The following SETX variants were observed in gnomAD, a reference collection of about 807,000 sequenced individuals.
The protein encoded by SETX is helicase senataxin.
A neutral mutation model predicts 227.2 loss-of-function variants in SETX; 90 were observed. That is an observed-to-expected ratio of 0.40 (90% CI 0.33 to 0.47). The LOEUF (loss-of-function observed/expected upper bound fraction) is 0.47, where lower values mean the gene tolerates loss of function less well. Ranked by LOEUF, SETX falls within the 20% of genes least tolerant of loss-of-function variation. SETX has a pLI of 0.91. For missense variants in SETX, 3,052 were observed against 3,181.5 expected, an observed-to-expected ratio of 0.96 and a Z score of 0.98; for synonymous variants, 1,210 against 1,113.2, an observed-to-expected ratio of 1.09 and a Z score of -1.73.
intron 6 of SETX, among the ~76,000 whole-genome samples, chr9:132,335,906 C>A (rs1847582447): frequency 6.6e-6 from 1 of 152,134 alleles, no homozygotes. Flanking sequence ...CAGTAAGTTT[C>A]ATCAGATCAC....
At chr9:132,353,504 CT>C (rs1269375763) in intron 2 of SETX, 144 bp downstream of exon 2, 1 of 150,556 alleles carries the variant, frequency 6.6e-6, no homozygotes, top group African/African-American at 2.5e-5. Context: ...GTCATCACGT[CT>C]GGGGGGGGGG....
At position 132,263,141 on chromosome 9, in the gene SETX, C is replaced by T. The variant is rs1410515632; in HGVS notation, c.*1098G>A. ...ATTTCTGAAGATCACAGGAAGTCTA[C>T]CACTCTCTTCCCAGTTCTGAACTCC... On this transcript the variant is annotated 3_prime_UTR_variant, in exon 26 of 26. Transcript: ENST00000224140. 1.3e-5 allele frequency: 2 copies of T among 152,210 alleles called. No homozygotes were observed. The highest frequency in any genetic ancestry group is 2.9e-5 in the Non-Finnish European group (2 of 68,048). The allele number at this position is 152,210 out of a possible 1,614,324, so 9.4% of individuals were successfully genotyped here.
At position 132,328,161 on chromosome 9, in the gene SETX, C is replaced by G. The variant is rs776505431; in HGVS notation, c.3437G>C (p.Ser1146Thr). ...EGIEEHTRPRSISVEEFCEIE... is the reference protein window; with the variant it reads ...EGIEEHTRPRTISVEEFCEIE... ...TTCACAAAATTCTTCAACAGAAATACTCCGTGGTCTTGTGTGTTCTTCAAT... is the reference window on the plus strand; with the variant it reads ...TTCACAAAATTCTTCAACAGAAATAGTCCGTGGTCTTGTGTGTTCTTCAAT... Residue 1146 changes from serine to threonine, a missense_variant, in exon 10 of 26, where the codon AGT (serine) becomes ACT (threonine). By Grantham distance (58) the Ser-to-Thr change is moderately conservative. This residue lies in a region of SETX where 1,483 missense variants were observed against 1,312.0 expected (regional missense o/e 1.13). Transcript: ENST00000224140. 2.5e-6 allele frequency: 4 copies of G among 1,614,178 alleles called. No individual in the cohort carries two copies. The highest frequency in any genetic ancestry group is 1.7e-5 in the Admixed American group (1 of 60,030).
intron 6 of SETX, among the ~76,000 whole-genome samples, chr9:132,335,234 C>T: frequency 6.6e-6 from 1 of 150,964 alleles, no homozygotes; most frequent in East Asian, 2.0e-4. Flanking sequence ...ACTAAAAATA[C>T]AAAAAAATTA....
chr9:132,291,435 G>A (rs1844298296), intron 15 of SETX, among the ~76,000 whole-genome samples: 3 of 151,968 alleles, frequency 2.0e-5, no homozygotes, highest in Admixed American at 2.0e-4. Flanking sequence ...CAAAGTGCTG[G>A]GATTACAGGA....
rs958552037 is a variant in SETX, at chr9:132,261,393, C to T, written c.*2846G>A. On this transcript the variant is annotated 3_prime_UTR_variant, in exon 26 of 26. Coordinates refer to ENST00000224140, the MANE Select transcript of SETX (RefSeq NM_015046.7). The stretch of plus-strand genomic sequence containing the variant: ...CTTTTTATATCTGAATTGCACAAAT[C>T]CCCACCAAGTAATTTCAGCATAAAG... 1 of 152,228 alleles carries T rather than the reference C, an allele frequency of 6.6e-6. No homozygotes were observed. Among genetic ancestry groups the T allele is most frequent in the Non-Finnish European group, 1.5e-5 (1 of 68,062 alleles). 9.4% of individuals were successfully genotyped at this position (152,228 alleles called of 1,614,324 possible).
In SETX at chr9:132,329,795, T is replaced by C. The variant is rs779056601; in HGVS notation, c.1803A>G (p.Pro601=). 5.0e-6 allele frequency: 8 copies of C among 1,613,928 alleles called. No homozygotes were observed. In the East Asian group the frequency reaches 1.6e-4, roughly 31 times the overall value. The stretch of plus-strand genomic sequence containing the variant: ...AAGTCAGATCCACAAAAGTGTTACA[T>C]GGAGGTGCTTTGAATTTTATGTTTC... The part of the protein sequence containing the change: ...IIRNIKFKAP[P]CNTFVDLTSA... The change falls in exon 10 of 26, where the codon CCA becomes CCG. Residue 601 remains proline, a synonymous_variant. Transcript: ENST00000224140.
rs767232097 is a variant in SETX at position 132,346,382 on chromosome 9, T to C, written c.267A>G (p.Ile89Met). 2.0e-5 allele frequency: 33 copies of C among 1,613,648 alleles called. No individual in the cohort carries two copies. The highest frequency in any genetic ancestry group is 3.4e-6 in the Non-Finnish European group (4 of 1,179,708). The part of the protein sequence containing the change: ...AEIGDDDELY[I>M]VDNNGEMPLF... Reference sequence around the variant, plus strand: ...GTGGCATCTCTCCATTATTGTCTACTATATATAACTCATCATCATCTCCAA... The same window carrying C: ...GTGGCATCTCTCCATTATTGTCTACCATATATAACTCATCATCATCTCCAA... Residue 89 changes from isoleucine (I) to methionine (M), a missense_variant, in exon 4 of 26, where the codon ATA becomes ATG. Physicochemically the swap from Ile to Met is conservative, Grantham distance 10. Transcript: ENST00000224140.
chr9:132,311,325 G>C (rs1011591946), intron 11 of SETX, among the ~76,000 whole-genome samples: 1 of 152,058 alleles, frequency 6.6e-6, no homozygotes, highest in South Asian at 2.1e-4. Context: ...GGTAAAAAGA[G>C]GACTTATTCA....
In SETX at chr9:132,349,423, G is replaced by C. The variant is rs756610906; in HGVS notation, c.6C>G (p.Ser2Arg). M[S>R]TCCWCTPGGA... ...CACCTGGCGTACACCAACAACATGTGCTCATTCTGTACCTACAGCCAGAAA... is the reference window on the plus strand; with the variant it reads ...CACCTGGCGTACACCAACAACATGTCCTCATTCTGTACCTACAGCCAGAAA... Residue 2 changes from serine to arginine, a missense_variant, in exon 3 of 26, where the codon AGC becomes AGG. Ser to Arg is a moderately radical substitution (Grantham distance 110). This residue lies in a region of SETX where 152 missense variants were observed against 156.2 expected (regional missense o/e 0.97). Transcript: ENST00000224140. 3.1e-6 allele frequency: 5 copies of C among 1,614,032 alleles called. No individual in the cohort carries two copies. In the Admixed American group the frequency reaches 8.3e-5, roughly 27 times the overall value.
At chr9:132,292,916 C>T (rs1006149285) in intron 15 of SETX, among the ~76,000 whole-genome samples, 3 of 152,158 alleles carry the variant, frequency 2.0e-5, no homozygotes, top group East Asian at 1.9e-4. Flanking sequence ...GAATTACAGG[C>T]GTCAGCCACC....
intron 10 of SETX, among the ~76,000 whole-genome samples, chr9:132,320,313 C>T (rs1205100944): frequency 2.6e-5 from 4 of 152,242 alleles, no homozygotes; most frequent in Non-Finnish European, 4.4e-5. Context: ...CAGTGGCTCA[C>T]GCCTGTAATC....
intron 2 of SETX, among the ~76,000 whole-genome samples, chr9:132,350,389 G>A (rs1412321396): frequency 6.6e-6 from 1 of 152,082 alleles, no homozygotes; most frequent in Non-Finnish European, 1.5e-5. Context: ...AAGACACTGA[G>A]TATGTGGGAA....
At chr9:132,311,645 A>G in intron 11 of SETX, 112 bp downstream of exon 11, 1 of 754,602 alleles carries the variant, frequency 1.3e-6, no homozygotes, top group Non-Finnish European at 2.3e-6. Flanking sequence ...GAAGTCACAA[A>G]TTTAGCTTAG....
Position 132,329,421 on chromosome 9 carries a change from C to T in SETX, c.2177G>A (p.Cys726Tyr), listed in dbSNP as rs762597660. Reference sequence around the variant, plus strand: ...CCTTTCTGGACCATTTCTTGAAGTACAGTCCTTTGGTGTATATGAAGAGAT... The same window carrying T: ...CCTTTCTGGACCATTTCTTGAAGTATAGTCCTTTGGTGTATATGAAGAGAT... ...KEISSYTPKD[C>Y]TSRNGPERGC... The change falls in exon 10 of 26, where the codon TGT becomes TAT. Residue 726 changes from cysteine (C) to tyrosine (Y), a missense_variant. Around this residue, in one of 10 missense-constraint regions of SETX, gnomAD observed 1,483 missense variants for 1,312.0 expected, o/e 1.13. Transcript: ENST00000224140. The T allele has an allele frequency of 6.2e-7, 1 of 1,613,698 alleles. No homozygotes were observed. Among genetic ancestry groups the T allele is most frequent in the Admixed American group, 1.7e-5 (1 of 60,026 alleles).
intron 5 of SETX, among the ~76,000 whole-genome samples, chr9:132,339,069 C>T (rs545310099): frequency 2.0e-5 from 3 of 152,296 alleles, no homozygotes; most frequent in East Asian, 3.9e-4. Context: ...AGCCCTTTTC[C>T]CAATTTTTAA....
At chr9:132,275,894 C>T (rs952840061) in intron 22 of SETX, among the ~76,000 whole-genome samples, 3 of 152,188 alleles carry the variant, frequency 2.0e-5, no homozygotes, top group Non-Finnish European at 4.4e-5. Flanking sequence ...ACACACCACA[C>T]AACCGAGCAG....
intron 3 of SETX, among the ~76,000 whole-genome samples, chr9:132,348,246 CTACT>C (rs1205064613): frequency 2.6e-5 from 4 of 151,354 alleles, no homozygotes; most frequent in Non-Finnish European, 5.9e-5. Flanking sequence ...TTAGTCCCAG[CTACT>C]TGGGAGGCTG....
intron 12 of SETX, among the ~76,000 whole-genome samples, chr9:132,299,834 T>C (rs1430256758): frequency 6.6e-6 from 1 of 152,052 alleles, no homozygotes. Flanking sequence ...GGGAAGATTA[T>C]AAATGTACAT....
Sources: allele counts gnomAD v4.1 joint callset (sites outside exome capture counted in the v4.1 genomes callset), GRCh38; gene constraint gnomAD v4.1.1; regional missense constraint gnomAD v4.1.1; transcripts MANE v1.5; gene names NCBI Gene and HGNC (gene_info 2026-07-23, HGNC 2026-07-21).